Variants in LRRK1 observed in about 807,000 individuals in gnomAD.
The protein encoded by LRRK1 is leucine rich repeat kinase 1.
A neutral mutation model predicts 209.1 loss-of-function variants in LRRK1; 113 were observed. The observed-to-expected ratio is 0.54, with a 90% CI of 0.46 to 0.63. The LOEUF (loss-of-function observed/expected upper bound fraction) is 0.63. LRRK1 is among the 30% of genes least tolerant of loss of function. LRRK1 has a pLI of 0.00. For synonymous variants in LRRK1, 1,144 were observed against 1,099.7 expected (o/e 1.04, Z -0.80); for missense variants, 2,284 against 2,632.2 (o/e 0.87, Z 2.89).
At chr15:101,045,903 C>T in intron 20 of LRRK1, 78 bp from the exon 21 acceptor site, 5 of 1,255,350 alleles carry the variant, frequency 4.0e-6, no homozygotes, top group Non-Finnish European at 5.8e-6. Context: ...GTCCCCAGAT[C>T]AGGCCATCTG....
chr15:101,040,608 G>T (rs1466055099), intron 20 of LRRK1, among the ~76,000 whole-genome samples: 1 of 152,038 alleles, frequency 6.6e-6, no homozygotes, highest in Non-Finnish European at 1.5e-5. Context: ...AGAAGCTTAG[G>T]TCATTTATTT....
chr15:100,949,901 T>C (rs1004299221), intron 2 of LRRK1, among the ~76,000 whole-genome samples: 4 of 151,794 alleles, frequency 2.6e-5, no homozygotes, highest in African/African-American at 9.7e-5. Context: ...AAAAAACCCA[T>C]AACTAACATC....
At chr15:100,988,507 C>T in intron 4 of LRRK1, 127 bp from the exon 5 acceptor site, 1 of 848,822 alleles carries the variant, frequency 1.2e-6, no homozygotes, top group South Asian at 1.4e-5. Context: ...TATAGTATTC[C>T]ATGGTGCAAA....
At position 101,051,875 on chromosome 15, in the gene LRRK1, T is replaced by A; in HGVS notation, c.3604T>A (p.Phe1202Ile). The A allele has an allele frequency of 1.2e-6, 2 of 1,614,102 alleles. No homozygotes were observed. Among genetic ancestry groups the A allele is most frequent in the South Asian group, 2.2e-5 (2 of 91,082 alleles). Residue 1202 changes from phenylalanine to isoleucine, a missense_variant, in exon 24 of 34, where the codon TTC (phenylalanine) becomes ATC (isoleucine). Around this residue, in one of 6 missense-constraint regions of LRRK1, gnomAD observed 780 missense variants for 985.2 expected, o/e 0.79. Transcript: ENST00000388948. The part of the protein sequence containing the change: ...DCVLTAIERD[F>I]ISCPRHPDLP... Reference sequence around the variant, plus strand: ...TGTCCTGACGGCCATCGAGCGGGACTTCATCTCCTGCCCCAGACACCCGGA... The same window carrying A: ...TGTCCTGACGGCCATCGAGCGGGACATCATCTCCTGCCCCAGACACCCGGA...
chr15:101,031,792 T>G (rs2034295803), intron 20 of LRRK1, among the ~76,000 whole-genome samples: 2 of 151,992 alleles, frequency 1.3e-5, no homozygotes, highest in Admixed American at 1.3e-4. Context: ...TGGAGTGCAG[T>G]GGCACGATCT....
intron 1 of LRRK1, among the ~76,000 whole-genome samples, chr15:100,922,829 C>A (rs565494070): frequency 2.8e-4 from 36 of 128,550 alleles, no homozygotes; most frequent in African/African-American, 1.4e-3. Context: ...TCGACCATCC[C>A]TTTTGCCTCT....
intron 6 of LRRK1, among the ~76,000 whole-genome samples, chr15:100,998,914 G>A (rs1478492141): frequency 6.6e-6 from 1 of 152,178 alleles, no homozygotes; most frequent in Non-Finnish European, 1.5e-5. Flanking sequence ...ATGGATGGAT[G>A]AATGAATGGG....
chr15:100,936,305 T>C lies in LRRK1; in HGVS notation c.97+11576T>C, dbSNP rs934801340. ...CCTTCAACTCCAGGGGTAGCCATTA[T>C]TCTGAAGTTAGTCTGAACCCTTTAT... is the stretch of plus-strand genomic sequence containing the variant. On this transcript the variant is annotated intron_variant, in intron 2 of 33. Transcript: ENST00000388948. Among the ~76,000 whole-genome samples the C allele has an allele frequency of 5.3e-5, 8 of 152,234 alleles. No homozygotes were observed. In the East Asian group the frequency reaches 1.5e-3, roughly 29 times the overall value.
intron 20 of LRRK1, among the ~76,000 whole-genome samples, chr15:101,033,305 C>A (rs576663293): frequency 6.6e-5 from 10 of 152,264 alleles, no homozygotes; most frequent in Admixed American, 6.5e-4. Flanking sequence ...CTTCTAACCA[C>A]TTTGAAATAT....
At chr15:101,025,025 C>T (rs1460648193) in intron 16 of LRRK1, 58 bp downstream of exon 16, 4 of 1,539,926 alleles carry the variant, frequency 2.6e-6, no homozygotes, top group Non-Finnish European at 3.5e-6. Flanking sequence ...GCAGGTCCCA[C>T]CGCTTCCCTC....
In LRRK1 at chr15:101,065,689, T is replaced by G. The variant is rs754980135; in HGVS notation, c.5252T>G (p.Val1751Gly). Residue 1751 changes from valine (V) to glycine (G), a missense_variant, in exon 32 of 34, where the codon GTC becomes GGC. This residue lies in a region of LRRK1 where 643 missense variants were observed against 695.9 expected (regional missense o/e 0.92). Transcript: ENST00000388948. Reference protein sequence around the residue: ...CSSEGRGEEVVWCLDDKANSL... With the variant: ...CSSEGRGEEVGWCLDDKANSL... ...TCTGAGGGCAGAGGGGAGGAGGTCG[T>G]CTGGTGCCTGGATGACAAGGCCAAC... 1 of 1,614,094 alleles carries G rather than the reference T, an allele frequency of 6.2e-7. No homozygotes were observed. The highest frequency in any genetic ancestry group is 8.5e-7 in the Non-Finnish European group (1 of 1,180,010).
chr15:100,921,660 C>T (rs2042024434), intron 1 of LRRK1, among the ~76,000 whole-genome samples: 1 of 152,228 alleles, frequency 6.6e-6, no homozygotes, highest in African/African-American at 2.4e-5. Context: ...TTCACAAACT[C>T]ATGAAGTTCC....
intron 2 of LRRK1, among the ~76,000 whole-genome samples, chr15:100,934,679 G>A (rs1355304082): frequency 2.0e-5 from 3 of 150,052 alleles, no homozygotes; most frequent in Non-Finnish European, 4.4e-5. Context: ...GCACACACCT[G>A]TGGTCCCAGC....
chr15:101,045,508 G>T (rs1188249241), intron 20 of LRRK1, among the ~76,000 whole-genome samples: 1 of 152,074 alleles, frequency 6.6e-6, no homozygotes, highest in Non-Finnish European at 1.5e-5. Flanking sequence ...CGTGTCAACG[G>T]GCCAAGAATA....
chr15:101,005,625 A>G (rs536099673), intron 6 of LRRK1, among the ~76,000 whole-genome samples: 1 of 152,314 alleles, frequency 6.6e-6, no homozygotes, highest in Admixed American at 6.5e-5. Context: ...CAAGGGAATC[A>G]AGGCCTGGGC....
In LRRK1 at chr15:101,071,926, T is replaced by A. The variant is rs897610616; in HGVS notation, c.*3078T>A. 6.6e-6 allele frequency: 1 copy of A among 152,244 alleles called. No individual in the cohort carries two copies. Among genetic ancestry groups the A allele is most frequent in the African/African-American group, 2.4e-5 (1 of 41,430 alleles). The allele number at this position is 152,244 out of a possible 1,614,324, so 9.4% of individuals were successfully genotyped here. A position where few individuals can be genotyped will look rare whatever the true frequency, so the allele number is the denominator to read the frequency against. ...TCTGAGGGCACTGGGTGCAAGGGCC[T>A]TGCACATGCAAAGACCCTGTTGTGG... On this transcript the variant is annotated 3_prime_UTR_variant, in exon 34 of 34. Transcript: ENST00000388948.
chr15:100,926,379 G>A (rs530776294), intron 2 of LRRK1, among the ~76,000 whole-genome samples: 15 of 152,224 alleles, frequency 9.9e-5, no homozygotes, highest in Admixed American at 2.0e-4. Context: ...CCTGAGGGAC[G>A]AGGGTGGGGA....
chr15:101,030,382 C>A (rs1432993458), intron 20 of LRRK1, among the ~76,000 whole-genome samples: 1 of 152,162 alleles, frequency 6.6e-6, no homozygotes, highest in Admixed American at 6.5e-5. Flanking sequence ...GTCCTCCATG[C>A]AGCTTTGGGG....
Position 101,060,948 on chromosome 15 carries a change from G to A in LRRK1, c.4680-223G>A, listed in dbSNP as rs78745795. ...AACCGTCTCAACCCTGAGGGGTCACGGAAAGAGGACAGCCTTTCTTCTCTG... is the reference window on the plus strand; with the variant it reads ...AACCGTCTCAACCCTGAGGGGTCACAGAAAGAGGACAGCCTTTCTTCTCTG... On this transcript the variant is annotated intron_variant, in intron 29 of 33. Transcript: ENST00000388948. Among the ~76,000 whole-genome samples, 1,321 of 152,348 alleles carry A rather than the reference G, an allele frequency of 8.7e-3. 22 individuals carry two copies. The highest frequency in any genetic ancestry group is 0.03 in the African/African-American group (1,265 of 41,582).
Sources: allele counts gnomAD v4.1 joint callset (sites outside exome capture counted in the v4.1 genomes callset), GRCh38; gene constraint gnomAD v4.1.1; regional missense constraint gnomAD v4.1.1; transcripts MANE v1.5; gene names NCBI Gene and HGNC (gene_info 2026-07-23, HGNC 2026-07-21).